Variants in ACAN observed in about 807,000 individuals in gnomAD.
ACAN encodes the protein aggrecan.
A neutral mutation model predicts 169.1 loss-of-function variants in ACAN; 47 were observed. That is an observed-to-expected ratio of 0.28 (90% CI 0.22 to 0.35). ACAN has a LOEUF of 0.35. Ranked by LOEUF, ACAN falls within the 10% of genes least tolerant of loss-of-function variation. ACAN has a pLI of 1.00. For synonymous variants in ACAN, 1,115 were observed against 1,112.2 expected, an observed-to-expected ratio of 1.00 and a Z score of -0.05; for missense variants, 2,716 against 2,759.9, an observed-to-expected ratio of 0.98 and a Z score of 0.36.
intron 1 of ACAN, among the ~76,000 whole-genome samples, chr15:88,826,746 G>C (rs1896233229): frequency 6.6e-6 from 1 of 152,070 alleles, no homozygotes; most frequent in South Asian, 2.1e-4. Flanking sequence ...AAACTTTCCG[G>C]ATCTGAAATT....
At position 88,849,348 on chromosome 15, in the gene ACAN, AG is replaced by A. The variant is rs1896873122; in HGVS notation, c.1733-87del. 1 of 1,299,388 alleles carries A rather than the reference AG, an allele frequency of 7.7e-7. No homozygotes were observed. The highest frequency in any genetic ancestry group is 1.6e-5 in the South Asian group (1 of 64,180). 80.5% of individuals were successfully genotyped at this position (1,299,388 alleles called of 1,614,324 possible). A position where few individuals can be genotyped will look rare whatever the true frequency, so the allele number is the denominator to read the frequency against. ...GGGCTGGGTCTTAGCCCTGGTGAGG[AG>A]GGTTAGAGGAACTCTGTCCTGGGTG... is the stretch of plus-strand genomic sequence containing the variant. On this transcript the variant is annotated intron_variant, in intron 9 of 18. Transcript: ENST00000560601. This position sits in a 1 kb window ranked among gnomAD's most constrained non-coding sequence, Gnocchi z 5.1.
Position 88,839,639 on chromosome 15 carries a change from G to A in ACAN, c.455-373G>A, listed in dbSNP as rs1260484146. ...CACACCTTAAATGAGGTTTCCACTA[G>A]GGTGGCCCTGGGCTGAGGGTGCAGG... On this transcript the variant is annotated intron_variant, in intron 3 of 18. Transcript: ENST00000560601. This position sits in a 1 kb window ranked among gnomAD's most constrained non-coding sequence, Gnocchi z 4.5. 6.6e-6 allele frequency among the ~76,000 whole-genome samples: 1 copy of A among 152,240 alleles called. No individual in the cohort carries two copies. Among genetic ancestry groups the A allele is most frequent in the Non-Finnish European group, 1.5e-5 (1 of 68,046 alleles).
chr15:88,873,169 C>A lies in ACAN; in HGVS notation c.7447+144C>A. ...CACTTGTCCAAAAGGCAGACTGGAGCTGACCTAGGGGTCCCTCCTAGCACC... is the reference window on the plus strand; with the variant it reads ...CACTTGTCCAAAAGGCAGACTGGAGATGACCTAGGGGTCCCTCCTAGCACC... On this transcript the variant is annotated intron_variant, in intron 17 of 18. Transcript: ENST00000560601. The surrounding 1 kb of genome is among the most constrained non-coding windows in gnomAD (Gnocchi z 7.5). 8.5e-7 allele frequency: 1 copy of A among 1,174,396 alleles called. No individual in the cohort carries two copies. The highest frequency in any genetic ancestry group is 1.2e-6 in the Non-Finnish European group (1 of 853,356). The allele number at this position is 1,174,396 out of a possible 1,614,324, so 72.7% of individuals were successfully genotyped here. A position where few individuals can be genotyped will look rare whatever the true frequency, so the allele number is the denominator to read the frequency against.
chr15:88,822,562 G>A (rs1896103773), intron 1 of ACAN, among the ~76,000 whole-genome samples: 1 of 151,858 alleles, frequency 6.6e-6, no homozygotes, highest in African/African-American at 2.4e-5. Flanking sequence ...CGCCTCCCAG[G>A]TTCAAGCAAT....
chr15:88,853,081 C>G (rs56742489), intron 11 of ACAN, among the ~76,000 whole-genome samples: 1,706 of 152,276 alleles, frequency 0.011, 24 homozygotes, highest in African/African-American at 0.039. Flanking sequence ...CCTCACCCAG[C>G]AGCCACACCT....
At position 88,860,584 on chromosome 15, in the gene ACAN, G is replaced by T. The variant is rs897670492; in HGVS notation, c.6946+145G>T. 1.3e-5 allele frequency: 8 copies of T among 633,848 alleles called. No individual in the cohort carries two copies. The African/African-American group carries it at 1.5e-4, about 11-fold the overall frequency. The allele number at this position is 633,848 out of a possible 1,614,324, so 39.3% of individuals were successfully genotyped here. On this transcript the variant is annotated intron_variant, in intron 13 of 18. Coordinates refer to ENST00000560601, the MANE Select transcript of ACAN (RefSeq NM_001369268.1). ...GGAGCTGCATGATGACATGTCAGGG[G>T]CAGAAGCCACAGGACAGACATGGCT...
chr15:88,841,328 GC>G (rs1159238803), intron 4 of ACAN, among the ~76,000 whole-genome samples: 1 of 152,126 alleles, frequency 6.6e-6, no homozygotes, highest in Non-Finnish European at 1.5e-5. Flanking sequence ...ACAAACTATG[GC>G]CCAGAGGCCA....
chr15:88,859,506 G>T, intron 12 of ACAN, 89 bp downstream of exon 12: 2 of 1,530,630 alleles, frequency 1.3e-6, no homozygotes, highest in Non-Finnish European at 1.8e-6. Flanking sequence ...TAGCTTTAAG[G>T]TTCCAAGAAC....
rs576833628 is a variant in ACAN at position 88,812,040 on chromosome 15, T to C, written c.-8+8231T>C. Reference sequence around the variant, plus strand: ...TCCTGGTGTGGGAGACCTGATTGCTTAGATTGCCTCCACACCCACTCCTGA... The same window carrying C: ...TCCTGGTGTGGGAGACCTGATTGCTCAGATTGCCTCCACACCCACTCCTGA... On this transcript the variant is annotated intron_variant, in intron 1 of 18. Coordinates refer to ENST00000560601, the MANE Select transcript of ACAN (RefSeq NM_001369268.1). Among the ~76,000 whole-genome samples, 3 of 152,292 alleles carry C rather than the reference T, an allele frequency of 2.0e-5. No individual in the cohort carries two copies. The South Asian group carries it at 6.2e-4, about 32-fold the overall frequency.
At chr15:88,821,679 G>T (rs913129303) in intron 1 of ACAN, among the ~76,000 whole-genome samples, 3 of 152,192 alleles carry the variant, frequency 2.0e-5, no homozygotes, top group African/African-American at 7.2e-5. Context: ...CCCAAGGAGG[G>T]AAAGCAGTGT....
intron 1 of ACAN, among the ~76,000 whole-genome samples, chr15:88,826,148 G>C (rs192499089): frequency 6.6e-6 from 1 of 152,168 alleles, no homozygotes; most frequent in Non-Finnish European, 1.5e-5. Context: ...GCTCACGTCG[G>C]GGGGCTCTAC....
At position 88,856,984 on chromosome 15, in the gene ACAN, C is replaced by A. The variant is rs368875483; in HGVS notation, c.4399C>A (p.Leu1467Ile). 9.9e-6 allele frequency: 16 copies of A among 1,610,776 alleles called. No individual in the cohort carries two copies. The highest frequency in any genetic ancestry group is 1.2e-5 in the Non-Finnish European group (14 of 1,178,730). The change falls in exon 12 of 19, where the codon CTC becomes ATC. Residue 1467 changes from leucine (L) to isoleucine (I), a missense_variant. Leu to Ile is a conservative substitution (Grantham distance 5). Around this residue, in one of 3 missense-constraint regions of ACAN, gnomAD observed 1,389 missense variants for 1,363.7 expected, o/e 1.02. Transcript: ENST00000560601. ...GACTTCTACCTCTGCGGTAGGGGACCTCAGTGGACTTCCTTCTGGAGGAGA... is the reference window on the plus strand; with the variant it reads ...GACTTCTACCTCTGCGGTAGGGGACATCAGTGGACTTCCTTCTGGAGGAGA... ...LETSTSAVGD[L>I]SGLPSGGEVL...
chr15:88,832,826 C>T (rs765824866), intron 1 of ACAN, among the ~76,000 whole-genome samples: 1 of 152,224 alleles, frequency 6.6e-6, no homozygotes, highest in East Asian at 1.9e-4. Flanking sequence ...GAGGCTCACT[C>T]AGGCCTGACA....
intron 4 of ACAN, among the ~76,000 whole-genome samples, chr15:88,840,612 G>C (rs1222403727): frequency 1.3e-5 from 2 of 152,130 alleles, no homozygotes; most frequent in Non-Finnish European, 2.9e-5. Context: ...GTGCAGAGCA[G>C]TCCAGATAGA....
In ACAN at chr15:88,873,918, C is replaced by T. The variant is rs190361551; in HGVS notation, c.7524C>T (p.Ser2508=). Residue 2508 remains serine (S), a synonymous_variant, in exon 18 of 19, where the codon TCC becomes TCT. Coordinates refer to ENST00000560601, the MANE Select transcript of ACAN (RefSeq NM_001369268.1). This position sits in a 1 kb window ranked among gnomAD's most constrained non-coding sequence, Gnocchi z 7.5. ...AGAAGGACCGGTATGAGATCAATTC[C>T]CTGGTGCGGTACCAGTGCACAGAGG... ...GQKKDRYEIN[S]LVRYQCTEGF... The T allele has an allele frequency of 3.0e-3, 4,912 of 1,613,804 alleles. 17 individuals are homozygous for T. The highest frequency in any genetic ancestry group is 8.8e-3 in the Middle Eastern group (53 of 6,022).
chr15:88,817,710 C>G (rs751140424), intron 1 of ACAN, among the ~76,000 whole-genome samples: 8 of 151,514 alleles, frequency 5.3e-5, no homozygotes, highest in Non-Finnish European at 7.4e-5. Context: ...AAAAATTAGC[C>G]AGGCATAGTG....
intron 1 of ACAN, among the ~76,000 whole-genome samples, chr15:88,810,045 G>A (rs1895780243): frequency 1.3e-5 from 2 of 152,120 alleles, no homozygotes; most frequent in Non-Finnish European, 2.9e-5. Context: ...GGAGCAGAAA[G>A]GGATTCATGG....
chr15:88,809,383 T>G (rs1895764212), intron 1 of ACAN, among the ~76,000 whole-genome samples: 1 of 152,116 alleles, frequency 6.6e-6, no homozygotes, highest in African/African-American at 2.4e-5. Flanking sequence ...CTCAGGTTCT[T>G]TATTTATAAC....
intron 11 of ACAN, 129 bp from the exon 12 acceptor site, chr15:88,854,723 G>T: frequency 1.0e-6 from 1 of 996,730 alleles, no homozygotes; most frequent in Non-Finnish European, 1.3e-6. Context: ...AAAGCATTTG[G>T]ACACGTTGCT....
Sources: gnomAD v4.1 joint callset for allele counts (sites outside exome capture counted in the v4.1 genomes callset) on GRCh38, gnomAD v4.1.1 for gene constraint, gnomAD v4.1.1 regional missense constraint, Gnocchi (gnomAD v3.1) non-coding constraint, MANE v1.5 for transcripts, NCBI Gene and HGNC (gene_info 2026-07-23, HGNC 2026-07-21) for gene names.